Variants in FYCO1 observed in about 807,000 individuals in gnomAD.
FYCO1 encodes the protein FYVE and coiled-coil domain autophagy adaptor 1.
Under a neutral mutation model 165.1 loss-of-function variants are expected in FYCO1, and 122 were observed. The ratio of observed to expected loss-of-function variants is 0.74; its 90% confidence interval spans 0.64 to 0.86. The LOEUF is 0.86. Ranked by LOEUF, FYCO1 falls within the 40% of genes least tolerant of loss-of-function variation. The pLI is 0.00. For synonymous variants in FYCO1, 648 were observed against 742.5 expected, an observed-to-expected ratio of 0.87 and a Z score of 2.07; for missense variants, 1,702 against 1,810.3, an observed-to-expected ratio of 0.94 and a Z score of 1.09.
At chr3:45,991,661 C>T (rs539530977) in intron 1 of FYCO1, among the ~76,000 whole-genome samples, 7 of 152,308 alleles carry the variant, frequency 4.6e-5, no homozygotes, top group African/African-American at 9.6e-5. Flanking sequence ...AACCACAGTT[C>T]GGTTCCCGAG....
intron 1 of FYCO1, among the ~76,000 whole-genome samples, chr3:45,990,827 A>G (rs1707523987): frequency 6.6e-6 from 1 of 152,172 alleles, no homozygotes; most frequent in South Asian, 2.1e-4. Context: ...GCTGGAGTGC[A>G]GTGGCGCGAT....
intron 16 of FYCO1, among the ~76,000 whole-genome samples, chr3:45,928,770 A>G (rs1037483434): frequency 2.0e-5 from 3 of 151,748 alleles, no homozygotes; most frequent in Admixed American, 6.6e-5. Flanking sequence ...GGGTACCCAC[A>G]GTGCCCACCC....
chr3:45,950,332 G>A (rs1215174970), intron 14 of FYCO1, among the ~76,000 whole-genome samples: 3 of 152,078 alleles, frequency 2.0e-5, no homozygotes, highest in East Asian at 1.9e-4. Flanking sequence ...AATCCCTTCA[G>A]AGATATGGCA....
intron 1 of FYCO1, among the ~76,000 whole-genome samples, chr3:45,994,666 C>T (rs1707710853): frequency 6.6e-6 from 1 of 152,038 alleles, no homozygotes; most frequent in African/African-American, 2.4e-5. Context: ...CCACACCAGC[C>T]CCCAACACCC....
At chr3:45,947,168 T>C in intron 14 of FYCO1, 1 of 1,614,186 alleles carries the variant, frequency 6.2e-7, no homozygotes, top group Non-Finnish European at 8.5e-7. Flanking sequence ...AGCACAGATC[T>C]CTAAAGATCA....
chr3:45,948,278 C>T (rs969385884), intron 14 of FYCO1: 1 of 166,936 alleles, frequency 6.0e-6, no homozygotes, highest in Non-Finnish European at 1.5e-5. Flanking sequence ...TACCCACACA[C>T]ATACACACAT....
At chr3:45,968,835 T>A in intron 7 of FYCO1, 132 bp from the exon 8 acceptor site, 1 of 1,059,442 alleles carries the variant, frequency 9.4e-7, no homozygotes, top group South Asian at 1.4e-5. Context: ...TCTAAAGAAC[T>A]ATTCAAAAGA....
At chr3:45,974,388 T>A (rs1355058658) in intron 5 of FYCO1, among the ~76,000 whole-genome samples, 1 of 152,208 alleles carries the variant, frequency 6.6e-6, no homozygotes, top group Non-Finnish European at 1.5e-5. Flanking sequence ...AACTGTGCGA[T>A]CTTCACCAAA....
In FYCO1 at chr3:45,946,712, C is replaced by T. The variant is rs144312788; in HGVS notation, c.3944+8537G>A. ...TCCTGGTGAACCTACCCCTGGCTGA[C>T]CTGGTGTTTGTCTGCACTCTGCCCT... On this transcript the variant is annotated intron_variant, in intron 14 of 17. Transcript: ENST00000296137. 241 of 1,614,084 alleles carry T rather than the reference C, an allele frequency of 1.5e-4. No homozygotes were observed. Among genetic ancestry groups the T allele is most frequent in the Non-Finnish European group, 1.9e-4 (227 of 1,180,048 alleles).
At position 45,955,258 on chromosome 3, in the gene FYCO1, G is replaced by T. The variant is rs140583635; in HGVS notation, c.3935C>A (p.Ala1312Glu). 6.2e-7 allele frequency: 1 copy of T among 1,613,946 alleles called. No homozygotes were observed. Among genetic ancestry groups the T allele is most frequent in the Non-Finnish European group, 8.5e-7 (1 of 1,180,032 alleles). ...PTETDSLDPNAAEQDTTSTSL... is the reference protein window; with the variant it reads ...PTETDSLDPNEAEQDTTSTSL... Reference sequence around the variant, plus strand: ...GGTGACCTCTACTCACTGTTCAGCCGCATTTGGGTCGAGAGAATCAGTTTC... The same window carrying T: ...GGTGACCTCTACTCACTGTTCAGCCTCATTTGGGTCGAGAGAATCAGTTTC... The change falls in exon 14 of 18, where the codon GCG becomes GAG. Residue 1312 changes from alanine (A) to glutamate (E), a missense_variant. Ala to Glu is a moderately radical substitution (Grantham distance 107). Coordinates refer to ENST00000296137, the MANE Select transcript of FYCO1 (RefSeq NM_024513.4).
intron 14 of FYCO1, chr3:45,945,109 G>A (rs1704500730): frequency 6.6e-6 from 1 of 152,230 alleles, no homozygotes; most frequent in Non-Finnish European, 1.5e-5. Flanking sequence ...GAGGCAAGCA[G>A]CAGCATCGGA....
intron 1 of FYCO1, among the ~76,000 whole-genome samples, chr3:45,990,736 A>G (rs1444727523): frequency 1.3e-5 from 2 of 152,224 alleles, no homozygotes; most frequent in Non-Finnish European, 2.9e-5. Flanking sequence ...AGAAATGTAC[A>G]AAGATGTAAA....
chr3:45,936,384 G>A, intron 15 of FYCO1, 64 bp downstream of exon 15: 1 of 1,106,198 alleles, frequency 9.0e-7, no homozygotes, highest in Non-Finnish European at 1.4e-6. Flanking sequence ...CGCCGGCACT[G>A]GAGAGGCCAG....
At chr3:45,959,054 G>A (rs1052578069) in intron 12 of FYCO1, among the ~76,000 whole-genome samples, 2 of 152,206 alleles carry the variant, frequency 1.3e-5, no homozygotes, top group Non-Finnish European at 2.9e-5. Flanking sequence ...TGAGGTTTCA[G>A]GCCAGCTCTT....
chr3:45,952,257 A>G (rs1167655968), intron 14 of FYCO1, among the ~76,000 whole-genome samples: 1 of 152,100 alleles, frequency 6.6e-6, no homozygotes, highest in Non-Finnish European at 1.5e-5. Context: ...TTAGTGTTTA[A>G]TCTCTCCCGG....
rs566654955 is a variant in FYCO1 at position 45,984,558 on chromosome 3, C to T, written c.55+298G>A. 3.2e-5 allele frequency: 17 copies of T among 523,814 alleles called. No homozygotes were observed. In the Admixed American group the frequency reaches 4.1e-4, roughly 13 times the overall value. 32.4% of individuals were successfully genotyped at this position (523,814 alleles called of 1,614,324 possible). Reference sequence around the variant, plus strand: ...GGGATTTAGCCAAAGACTTAACAGGCAGCTTCAAAACACACATGTGTGCAC... The same window carrying T: ...GGGATTTAGCCAAAGACTTAACAGGTAGCTTCAAAACACACATGTGTGCAC... On this transcript the variant is annotated intron_variant, in intron 2 of 17. Transcript: ENST00000296137.
At chr3:45,953,661 G>A (rs996803781) in intron 14 of FYCO1, among the ~76,000 whole-genome samples, 3 of 152,216 alleles carry the variant, frequency 2.0e-5, no homozygotes, top group African/African-American at 7.2e-5. Context: ...TGCTCTGCCT[G>A]TGTAAGCTAT....
chr3:45,992,802 G>T (rs1209472256), intron 1 of FYCO1, among the ~76,000 whole-genome samples: 1 of 152,176 alleles, frequency 6.6e-6, no homozygotes, highest in Non-Finnish European at 1.5e-5. Context: ...ATCTGGGGCT[G>T]CAGAGTCAAC....
At chr3:45,977,570 A>G (rs544268262) in intron 4 of FYCO1, among the ~76,000 whole-genome samples, 40 of 151,814 alleles carry the variant, frequency 2.6e-4, no homozygotes, top group African/African-American at 9.4e-4. Context: ...CAGAACCCAC[A>G]TACACTATCC....
Sources: allele counts gnomAD v4.1 joint callset (sites outside exome capture counted in the v4.1 genomes callset), GRCh38; gene constraint gnomAD v4.1.1; transcripts MANE v1.5; gene names NCBI Gene and HGNC (gene_info 2026-07-23, HGNC 2026-07-21).